The following KLF12 variants were observed in gnomAD, a reference collection of about 807,000 sequenced individuals.
KLF12 encodes KLF transcription factor 12.
In KLF12, 9 loss-of-function variants were observed where a neutral mutation model predicts 37.8. The observed-to-expected ratio is 0.24, with a 90% confidence interval of 0.14 to 0.42. KLF12 has a LOEUF of 0.42. Among genes scored for constraint, KLF12 ranks in the 10% least tolerant of loss-of-function variants. The probability of loss-of-function intolerance (pLI) is 1.00; values close to 1 mark genes in which losing one functional copy is unlikely to be tolerated. For missense variants in KLF12, 411 were observed against 516.0 expected, an observed-to-expected ratio of 0.80 and a Z score of 1.97; for synonymous variants, 208 against 202.1, an observed-to-expected ratio of 1.03 and a Z score of -0.25.
At chr13:74,068,323 G>T (rs943667714) in intron 1 of KLF12, among the ~76,000 whole-genome samples, 1 of 152,068 alleles carries the variant, frequency 6.6e-6, no homozygotes, top group Non-Finnish European at 1.5e-5. Context: ...ACTGAATAAG[G>T]AAGCTATCCT....
intron 1 of KLF12, among the ~76,000 whole-genome samples, chr13:73,997,694 T>C (rs1190552303): frequency 6.6e-6 from 1 of 151,482 alleles, no homozygotes; most frequent in Non-Finnish European, 1.5e-5. Context: ...CAGTAAATCT[T>C]CCCAAAGCAC....
At chr13:73,965,405 T>C (rs1325233122) in intron 2 of KLF12, among the ~76,000 whole-genome samples, 1 of 152,226 alleles carries the variant, frequency 6.6e-6, no homozygotes, top group East Asian at 1.9e-4. Flanking sequence ...CATTTCTTCA[T>C]TCTTCCATCG....
chr13:74,023,485 C>G (rs916546370), intron 1 of KLF12, among the ~76,000 whole-genome samples: 53 of 152,246 alleles, frequency 3.5e-4, no homozygotes, highest in African/African-American at 1.3e-3. Flanking sequence ...GTTGGTAGGG[C>G]CACGTTCTCT....
At chr13:74,245,882 C>T in the KLF12 span, among the ~76,000 whole-genome samples, 1 of 152,286 alleles carries the variant, frequency 6.6e-6, no homozygotes, top group African/African-American at 2.4e-5. Flanking sequence ...TTTAAAAAAT[C>T]ATAGTAACTG....
At chr13:73,818,145 ATT>A (rs369436666) in intron 4 of KLF12, among the ~76,000 whole-genome samples, 1 of 152,018 alleles carries the variant, frequency 6.6e-6, no homozygotes, top group African/African-American at 2.4e-5. Flanking sequence ...ACACTTATTT[ATT>A]TTTATTTATT....
At chr13:74,079,271 T>A (rs1874745222) in intron 1 of KLF12, among the ~76,000 whole-genome samples, 1 of 152,166 alleles carries the variant, frequency 6.6e-6, no homozygotes, top group Non-Finnish European at 1.5e-5. Context: ...GATTCCATTT[T>A]GCAAGATGAA....
At chr13:74,193,861 C>T in the KLF12 span, among the ~76,000 whole-genome samples, 3 of 152,136 alleles carry the variant, frequency 2.0e-5, no homozygotes, top group Admixed American at 2.0e-4. Context: ...GCTAACGTGT[C>T]CCTATGCTAC....
At chr13:74,127,749 T>G (rs1227720209) in intron 1 of KLF12, among the ~76,000 whole-genome samples, 6 of 152,202 alleles carry the variant, frequency 3.9e-5, no homozygotes, top group Non-Finnish European at 8.8e-5. Context: ...AGATCCTCAT[T>G]ATCTACCTTT....
At chr13:73,738,050 C>CGT (rs1216505385) in intron 6 of KLF12, among the ~76,000 whole-genome samples, 18 of 89,402 alleles carry the variant, frequency 2.0e-4, no homozygotes, top group Non-Finnish European at 2.1e-4. Flanking sequence ...CACACACATA[C>CGT]GTGTGTATAT....
chr13:73,952,439 C>G (rs1261636234), intron 2 of KLF12, among the ~76,000 whole-genome samples: 1 of 152,170 alleles, frequency 6.6e-6, no homozygotes, highest in Non-Finnish European at 1.5e-5. Flanking sequence ...ACTCACAAGA[C>G]AGCAGTAGGG....
At chr13:73,954,092 C>T (rs1210883760) in intron 2 of KLF12, among the ~76,000 whole-genome samples, 2 of 148,780 alleles carry the variant, frequency 1.3e-5, no homozygotes, top group East Asian at 2.0e-4. Flanking sequence ...CATTCTCCTG[C>T]CTCAGTCTCC....
At chr13:74,007,677 A>C (rs9573341) in intron 1 of KLF12, among the ~76,000 whole-genome samples, 116,710 of 152,110 alleles carry the variant, frequency 0.77, 45,153 homozygotes, top group East Asian at 0.9. Flanking sequence ...TTAAAACAAA[A>C]TTGTTATTAT....
At chr13:73,767,583 T>C (rs980006538) in intron 5 of KLF12, among the ~76,000 whole-genome samples, 1 of 152,232 alleles carries the variant, frequency 6.6e-6, no homozygotes, top group African/African-American at 2.4e-5. Flanking sequence ...ATGCTCACAT[T>C]TGGTGATTTA....
the KLF12 span, among the ~76,000 whole-genome samples, chr13:74,275,587 T>C: frequency 6.6e-6 from 1 of 152,288 alleles, no homozygotes; most frequent in East Asian, 1.9e-4. Context: ...TACAGTATGG[T>C]TTAATTATTG....
chr13:74,281,681 T>C, the KLF12 span, among the ~76,000 whole-genome samples: 1 of 152,188 alleles, frequency 6.6e-6, no homozygotes, highest in African/African-American at 2.4e-5. Context: ...ACAAATTCAG[T>C]GGCTCACATA....
intron 1 of KLF12, among the ~76,000 whole-genome samples, chr13:74,082,482 A>C (rs1259868174): frequency 6.6e-6 from 1 of 152,202 alleles, no homozygotes; most frequent in Non-Finnish European, 1.5e-5. Flanking sequence ...AATTTTCTCC[A>C]TTCATTTAGC....
intron 5 of KLF12, among the ~76,000 whole-genome samples, chr13:73,773,825 C>A (rs1880419211): frequency 6.6e-6 from 1 of 152,152 alleles, no homozygotes; most frequent in African/African-American, 2.4e-5. Context: ...TTCTTGCTCT[C>A]AGCTCAGTGT....
rs114242181 is a variant in KLF12, at chr13:74,041,196, C to T, written c.-31-46143G>A. Among the ~76,000 whole-genome samples, 592 of 152,318 alleles carry T rather than the reference C, an allele frequency of 3.9e-3. 5 individuals carry two copies. Among genetic ancestry groups the T allele is most frequent in the African/African-American group, 0.013 (552 of 41,564 alleles). ...CCTCACAGAAATCCCACCTCCTTCA[C>T]ATCCTAGCTTTAAAGCAACTTCTTC... On this transcript the variant is annotated intron_variant, in intron 1 of 7. Transcript: ENST00000377669.
intron 3 of KLF12, among the ~76,000 whole-genome samples, chr13:73,887,983 T>TA (rs1235815359): frequency 6.6e-6 from 1 of 152,132 alleles, no homozygotes; most frequent in Non-Finnish European, 1.5e-5. Flanking sequence ...TCATTGTATT[T>TA]ATGCGTCTGA....
Sources: gnomAD v4.1 joint callset for allele counts (sites outside exome capture counted in the v4.1 genomes callset) on GRCh38, gnomAD v4.1.1 for gene constraint, MANE v1.5 for transcripts, NCBI Gene and HGNC (gene_info 2026-07-23, HGNC 2026-07-21) for gene names.